The following PAPPA2 variants were observed in gnomAD, a reference collection of about 807,000 sequenced individuals.
The protein encoded by PAPPA2 is pappalysin 2.
A neutral mutation model predicts 176.4 loss-of-function variants in PAPPA2; 86 were observed. The observed-to-expected ratio is 0.49, with a 90% confidence interval of 0.41 to 0.58. The LOEUF (loss-of-function observed/expected upper bound fraction) is 0.58. Ranked by LOEUF, PAPPA2 falls within the 20% of genes least tolerant of loss-of-function variation. The pLI, the probability that PAPPA2 is intolerant of heterozygous loss-of-function variation, is 0.00. For synonymous variants in PAPPA2, 809 were observed against 852.2 expected, an observed-to-expected ratio of 0.95 and a Z score of 0.88; for missense variants, 2,073 against 2,256.9, an observed-to-expected ratio of 0.92 and a Z score of 1.65.
At chr1:176,531,241 T>C (rs1649789244) in intron 1 of PAPPA2, among the ~76,000 whole-genome samples, 1 of 152,278 alleles carries the variant, frequency 6.6e-6, no homozygotes, top group East Asian at 1.9e-4. Context: ...TTAATGTTGA[T>C]GTAAGTCAGT....
intron 1 of PAPPA2, among the ~76,000 whole-genome samples, chr1:176,553,037 C>T (rs1182112775): frequency 6.6e-6 from 1 of 152,014 alleles, no homozygotes; most frequent in African/African-American, 2.4e-5. Flanking sequence ...GTCTTTCTCC[C>T]TGGCATCGAG....
chr1:176,704,782 A>T (rs1571203316), intron 9 of PAPPA2, among the ~76,000 whole-genome samples: 1 of 152,328 alleles, frequency 6.6e-6, no homozygotes, highest in Non-Finnish European at 1.5e-5. Flanking sequence ...ACTAGATTTC[A>T]AAGACTTAGT....
chr1:176,480,081 AC>A (rs1652319065), intron 1 of PAPPA2, among the ~76,000 whole-genome samples: 1 of 152,116 alleles, frequency 6.6e-6, no homozygotes, highest in Non-Finnish European at 1.5e-5. Flanking sequence ...ACTGGTGCTC[AC>A]CAGCTGCTGC....
chr1:176,707,572 T>G (rs1457489241), intron 10 of PAPPA2, among the ~76,000 whole-genome samples: 4 of 152,208 alleles, frequency 2.6e-5, no homozygotes, highest in Non-Finnish European at 5.9e-5. Context: ...TTTGCTTACC[T>G]AAATCTAGCC....
intron 2 of PAPPA2, among the ~76,000 whole-genome samples, chr1:176,574,282 T>A (rs906066040): frequency 6.6e-6 from 1 of 152,200 alleles, no homozygotes; most frequent in Non-Finnish European, 1.5e-5. Context: ...CTGTTTTACA[T>A]GTGCGAATTA....
Position 176,774,373 on chromosome 1 carries a change from A to G in PAPPA2, c.4715+3193A>G, listed in dbSNP as rs148039424. Reference sequence around the variant, plus strand: ...ATATTGCTGCTTGGATATCGTGTCTACATCTCAAACTCTTAACTATGCAAA... The same window carrying G: ...ATATTGCTGCTTGGATATCGTGTCTGCATCTCAAACTCTTAACTATGCAAA... On this transcript the variant is annotated intron_variant, in intron 17 of 22. Coordinates refer to ENST00000367662, the MANE Select transcript of PAPPA2 (RefSeq NM_020318.3). Among the ~76,000 whole-genome samples the G allele has an allele frequency of 8.5e-5, 13 of 152,256 alleles. No homozygotes were observed. The East Asian group carries it at 2.5e-3, about 30-fold the overall frequency.
intron 2 of PAPPA2, among the ~76,000 whole-genome samples, chr1:176,578,447 C>T (rs1286671371): frequency 6.6e-6 from 1 of 152,170 alleles, no homozygotes; most frequent in Non-Finnish European, 1.5e-5. Flanking sequence ...TGCTCCTTTT[C>T]TGAGTCAAGA....
chr1:176,673,658 T>G (rs1416051157), intron 4 of PAPPA2, among the ~76,000 whole-genome samples: 1 of 152,182 alleles, frequency 6.6e-6, no homozygotes, highest in Non-Finnish European at 1.5e-5. Context: ...CTAACTTTAT[T>G]AGAATTGGGC....
chr1:176,740,237 G>T, intron 14 of PAPPA2, 41 bp downstream of exon 14: 1 of 1,564,442 alleles, frequency 6.4e-7, no homozygotes. Flanking sequence ...CTTTTCTTGT[G>T]GCTCTAATGA....
chr1:176,542,633 GC>G (rs1650422891), intron 1 of PAPPA2, among the ~76,000 whole-genome samples: 2 of 152,124 alleles, frequency 1.3e-5, no homozygotes, highest in South Asian at 4.2e-4. Flanking sequence ...CTTCCCCCTG[GC>G]CCCTACTGGA....
At chr1:176,613,708 A>G (rs1655054185) in intron 3 of PAPPA2, among the ~76,000 whole-genome samples, 1 of 152,196 alleles carries the variant, frequency 6.6e-6, no homozygotes, top group African/African-American at 2.4e-5. Flanking sequence ...TTTACATAAA[A>G]TAATCATTAA....
chr1:176,627,727 A>C (rs1235447625), intron 3 of PAPPA2, among the ~76,000 whole-genome samples: 1 of 152,208 alleles, frequency 6.6e-6, no homozygotes, highest in East Asian at 1.9e-4. Flanking sequence ...AGAAGGTGAG[A>C]GGGAAATCTA....
chr1:176,589,970 C>T (rs1653556243), intron 2 of PAPPA2, among the ~76,000 whole-genome samples: 1 of 152,126 alleles, frequency 6.6e-6, no homozygotes, highest in Non-Finnish European at 1.5e-5. Context: ...AGGGTCCCTC[C>T]TGGGAGCATG....
intron 2 of PAPPA2, 102 bp downstream of exon 2, chr1:176,557,343 G>A (rs913695565): frequency 1.9e-5 from 26 of 1,358,372 alleles, no homozygotes; most frequent in Middle Eastern, 5.3e-4. Flanking sequence ...GGACCCAACA[G>A]GAAAGCCAGA....
intron 1 of PAPPA2, among the ~76,000 whole-genome samples, chr1:176,495,639 A>G (rs893430486): frequency 6.6e-6 from 1 of 152,140 alleles, no homozygotes; most frequent in Non-Finnish European, 1.5e-5. Flanking sequence ...AGGTCAGGCT[A>G]TTATTCACTC....
At chr1:176,613,329 C>T (rs1301315364) in intron 3 of PAPPA2, among the ~76,000 whole-genome samples, 1 of 152,218 alleles carries the variant, frequency 6.6e-6, no homozygotes. Context: ...AGTTACAGAA[C>T]TTCACTGCTG....
In PAPPA2 at chr1:176,463,292, A is replaced by C. The variant is rs1041127913; in HGVS notation, c.-1043A>C. 6.6e-6 allele frequency: 1 copy of C among 152,190 alleles called. No individual in the cohort carries two copies. The highest frequency in any genetic ancestry group is 1.5e-5 in the Non-Finnish European group (1 of 68,034). The allele number at this position is 152,190 out of a possible 1,614,324, so 9.4% of individuals were successfully genotyped here. On this transcript the variant is annotated 5_prime_UTR_variant, in exon 1 of 23. Coordinates refer to ENST00000367662, the MANE Select transcript of PAPPA2 (RefSeq NM_020318.3). ...ACTCATCCTTAAATTCCTTCTCACA[A>C]CAGTGTCAAGAGCCTGGACGCCAGC...
intron 1 of PAPPA2, among the ~76,000 whole-genome samples, chr1:176,469,333 A>G (rs1651770079): frequency 6.6e-6 from 1 of 151,838 alleles, no homozygotes; most frequent in Non-Finnish European, 1.5e-5. Context: ...TCTCTCCCTC[A>G]CCTTGCTTTC....
At chr1:176,490,645 C>T (rs1572963346) in intron 1 of PAPPA2, among the ~76,000 whole-genome samples, 2 of 152,144 alleles carry the variant, frequency 1.3e-5, no homozygotes, top group Non-Finnish European at 2.9e-5. Flanking sequence ...TTAGTTGATG[C>T]GGATTGCTCA....
Sources: allele counts gnomAD v4.1 joint callset (sites outside exome capture counted in the v4.1 genomes callset), GRCh38; gene constraint gnomAD v4.1.1; transcripts MANE v1.5; gene names NCBI Gene and HGNC (gene_info 2026-07-23, HGNC 2026-07-21).